The following GRM8 variants were observed in gnomAD, a reference collection of about 807,000 sequenced individuals.
GRM8 encodes metabotropic glutamate receptor 8.
Under a neutral mutation model 87.2 loss-of-function variants are expected in GRM8, and 47 were observed. That is an observed-to-expected ratio of 0.54 (90% CI 0.43 to 0.69). GRM8 has a LOEUF of 0.69. Ranked by LOEUF, GRM8 falls within the 30% of genes least tolerant of loss-of-function variation. The pLI is 0.00. For synonymous variants in GRM8, 396 were observed against 404.5 expected (o/e 0.98, Z 0.25); for missense variants, 1,019 against 1,139.2 (o/e 0.89, Z 1.52).
At chr7:126,507,296 G>T (rs970438989) in intron 9 of GRM8, among the ~76,000 whole-genome samples, 1 of 152,064 alleles carries the variant, frequency 6.6e-6, no homozygotes, top group East Asian at 1.9e-4. Context: ...ACCTATCTTT[G>T]TGACCTCAGG....
At chr7:126,613,399 G>A (rs978007463) in intron 7 of GRM8, among the ~76,000 whole-genome samples, 2 of 152,132 alleles carry the variant, frequency 1.3e-5, no homozygotes, top group African/African-American at 2.4e-5. Context: ...ACAGAGTGGG[G>A]TTCCAAGATG....
At chr7:127,132,780 A>G (rs112409100) in intron 2 of GRM8, among the ~76,000 whole-genome samples, 2 of 152,040 alleles carry the variant, frequency 1.3e-5, no homozygotes, top group Non-Finnish European at 2.9e-5. Flanking sequence ...GGGTCTGGGC[A>G]CTCTAGGACA....
At chr7:126,626,456 T>G (rs961109628) in intron 7 of GRM8, among the ~76,000 whole-genome samples, 1 of 152,152 alleles carries the variant, frequency 6.6e-6, no homozygotes, top group Non-Finnish European at 1.5e-5. Flanking sequence ...TTTTCTATAT[T>G]GGTAGCCATT....
chr7:126,816,847 G>T (rs1793833428), intron 6 of GRM8, among the ~76,000 whole-genome samples: 1 of 151,428 alleles, frequency 6.6e-6, no homozygotes, highest in Admixed American at 6.6e-5. Context: ...TCACCCAGTT[G>T]CACAAATTAT....
intron 2 of GRM8, among the ~76,000 whole-genome samples, chr7:127,209,084 T>C (rs544973708): frequency 3.3e-5 from 5 of 152,330 alleles, no homozygotes; most frequent in Admixed American, 3.3e-4. Context: ...CAGCCAATCA[T>C]GAGCTGAGGG....
chr7:126,937,838 G>C (rs1806498486), intron 3 of GRM8, among the ~76,000 whole-genome samples: 1 of 152,158 alleles, frequency 6.6e-6, no homozygotes, highest in Non-Finnish European at 1.5e-5. Context: ...CCAGAGACCT[G>C]GACTCTCAGC....
chr7:127,238,324 G>GTGTC (rs1280058788), intron 2 of GRM8, among the ~76,000 whole-genome samples: 1 of 152,006 alleles, frequency 6.6e-6, no homozygotes, highest in African/African-American at 2.4e-5. Flanking sequence ...GTGTGTGTGT[G>GTGTC]TGTGTGTGTG....
At chr7:126,655,508 TCTCA>T (rs1173194856) in intron 7 of GRM8, among the ~76,000 whole-genome samples, 1 of 152,152 alleles carries the variant, frequency 6.6e-6, no homozygotes, top group Non-Finnish European at 1.5e-5. Flanking sequence ...TGTCTCTCTC[TCTCA>T]GTCTCAGTAT....
At chr7:126,792,447 A>C (rs1482990920) in intron 6 of GRM8, among the ~76,000 whole-genome samples, 1 of 152,210 alleles carries the variant, frequency 6.6e-6, no homozygotes, top group East Asian at 1.9e-4. Context: ...GCTAGGGCCC[A>C]ACAGTCTATA....
chr7:126,799,078 C>T (rs181359704), intron 6 of GRM8, among the ~76,000 whole-genome samples: 1 of 152,126 alleles, frequency 6.6e-6, no homozygotes, highest in Admixed American at 6.5e-5. Flanking sequence ...GACTAAAATG[C>T]CATAGTAACT....
chr7:126,868,844 GT>G, intron 6 of GRM8: 2 of 152,306 alleles, frequency 1.3e-5, no homozygotes, highest in African/African-American at 4.8e-5. Context: ...AATCATCTGG[GT>G]GGTAGTTGCT....
At chr7:126,643,528 TA>T (rs79480099) in intron 7 of GRM8, among the ~76,000 whole-genome samples, 46,476 of 151,046 alleles carry the variant, frequency 0.31, 8,012 homozygotes, top group East Asian at 0.43. Context: ...CTATTAAATT[TA>T]AAAAATCACC....
chr7:127,043,653 T>C (rs2132423203), intron 3 of GRM8, among the ~76,000 whole-genome samples: 1 of 152,216 alleles, frequency 6.6e-6, no homozygotes, highest in East Asian at 1.9e-4. Context: ...TTAGGAGATA[T>C]ACCTAATGTT....
chr7:126,635,242 A>AT (rs3831571), intron 7 of GRM8, among the ~76,000 whole-genome samples: 2 of 150,760 alleles, frequency 1.3e-5, no homozygotes, highest in Non-Finnish European at 1.5e-5. Context: ...TCAAGAGTAT[A>AT]AAAAATAAAC....
At chr7:127,251,125 C>T (rs904230319) in intron 1 of GRM8, 3 of 152,160 alleles carry the variant, frequency 2.0e-5, no homozygotes, top group Admixed American at 1.3e-4. Flanking sequence ...GCTTAGGGGA[C>T]TTAAGGGTTT....
At chr7:126,902,123 ATAG>A (rs1802144644) in intron 6 of GRM8, among the ~76,000 whole-genome samples, 2 of 152,236 alleles carry the variant, frequency 1.3e-5, no homozygotes, top group Non-Finnish European at 2.9e-5. Flanking sequence ...TAAGAAAATA[ATAG>A]TATTATAGAG....
At chr7:127,243,668 C>T (rs61753764) in intron 1 of GRM8, among the ~76,000 whole-genome samples, 153 bp from the exon 2 acceptor site, 1,592 of 152,192 alleles carry the variant, frequency 0.01, 23 homozygotes, top group African/African-American at 0.036. Context: ...CACCTGGCTG[C>T]ACTGCATCTA....
chr7:126,606,773 C>T (rs1040093363), intron 8 of GRM8, among the ~76,000 whole-genome samples: 1 of 152,152 alleles, frequency 6.6e-6, no homozygotes, highest in African/African-American at 2.4e-5. Context: ...TGTTTTGATA[C>T]ATTTTATGAA....
At chr7:126,646,298 G>A (rs949077755) in intron 7 of GRM8, among the ~76,000 whole-genome samples, 13 of 146,036 alleles carry the variant, frequency 8.9e-5, no homozygotes, top group Non-Finnish European at 1.6e-4. Context: ...AAGGAAGGAA[G>A]GAAGGAAAGA....
Sources: allele counts gnomAD v4.1 joint callset (sites outside exome capture counted in the v4.1 genomes callset), GRCh38; gene constraint gnomAD v4.1.1; transcripts MANE v1.5; gene names NCBI Gene and HGNC (gene_info 2026-07-23, HGNC 2026-07-21).